ARHGAP36: variants seen among roughly 807,000 people sequenced by gnomAD.
ARHGAP36 encodes rho GTPase-activating protein 36.
A neutral mutation model predicts 32.9 loss-of-function variants in ARHGAP36; 7 were observed. That is an observed-to-expected ratio of 0.21 (90% CI 0.12 to 0.40). ARHGAP36 has a LOEUF of 0.40. ARHGAP36 is among the 10% of genes least tolerant of loss of function. The pLI is 1.00. For missense variants in ARHGAP36, 383 were observed against 442.2 expected (o/e 0.87, Z 1.20); for synonymous variants, 165 against 168.3 (o/e 0.98, Z 0.15).
intron 1 of ARHGAP36, among the ~76,000 whole-genome samples, chrX:131,073,897 T>C (rs1277350837): frequency 9.0e-6 from 1 of 111,496 alleles, no homozygotes; most frequent in Non-Finnish European, 1.9e-5. Context: ...AATATGCTTA[T>C]TTGAATGTAG....
At chrX:131,075,196 T>G (rs2079754825) in intron 1 of ARHGAP36, among the ~76,000 whole-genome samples, 1 of 112,283 alleles carries the variant, frequency 8.9e-6, no homozygotes, top group Non-Finnish European at 1.9e-5. Flanking sequence ...ATGTACCCTT[T>G]GGAGAACACT....
At chrX:131,083,597 G>A (rs2079817997) in intron 3 of ARHGAP36, 137 bp from the exon 4 acceptor site, 3 of 633,652 alleles carry the variant, frequency 4.7e-6, no homozygotes, top group South Asian at 5.1e-5. Context: ...AGCTCCCCAG[G>A]GAGGGGCGCT....
intron 1 of ARHGAP36, among the ~76,000 whole-genome samples, chrX:131,068,683 C>T (rs747099018): frequency 2.0e-5 from 2 of 101,696 alleles, no homozygotes; most frequent in East Asian, 3.2e-4. Flanking sequence ...CCCGCCCCCA[C>T]CCCCCGAGCC....
Position 131,089,030 on chromosome X carries a change from C to T in ARHGAP36, c.*245C>T. On this transcript the variant is annotated 3_prime_UTR_variant, in exon 12 of 12. Transcript: ENST00000276211. ...TCATGCCCAAGCTCCCCGGTGCTAC[C>T]TTGCCTTTCTCTTTTACCCCTGATC... 2.9e-6 allele frequency: 1 copy of T among 343,355 alleles called. No homozygotes were observed. Among genetic ancestry groups the T allele is most frequent in the Non-Finnish European group, 4.8e-6 (1 of 206,755 alleles). 28.3% of individuals were successfully genotyped at this position (343,355 alleles called of 1,213,427 possible). A position where few individuals can be genotyped will look rare whatever the true frequency, so the allele number is the denominator to read the frequency against.
At chrX:131,082,031 G>T in intron 2 of ARHGAP36, 113 bp downstream of exon 2, 1 of 937,038 alleles carries the variant, frequency 1.1e-6, no homozygotes, top group East Asian at 3.1e-5. Flanking sequence ...CCTGATCTCG[G>T]ACTTGATCAG....
chrX:131,065,385 G>C (rs193142512), intron 1 of ARHGAP36, among the ~76,000 whole-genome samples: 2 of 111,479 alleles, frequency 1.8e-5, no homozygotes, highest in African/African-American at 6.5e-5. Flanking sequence ...GCATTTGTGC[G>C]TATGTGTGTG....
chrX:131,078,661 A>AC, intron 1 of ARHGAP36: 1 of 452,652 alleles, frequency 2.2e-6, no homozygotes, highest in Non-Finnish European at 3.4e-6. Context: ...CCCCCTCCCC[A>AC]CCCCACCCAT....
At chrX:131,084,450 G>A (rs1187338291) in intron 5 of ARHGAP36, 43 bp downstream of exon 5, 1 of 1,169,649 alleles carries the variant, frequency 8.5e-7, no homozygotes, top group African/African-American at 1.8e-5. Flanking sequence ...GGAAGCAAAG[G>A]GAAAGGAGGG....
At chrX:131,082,006 TG>T in intron 2 of ARHGAP36, 88 bp downstream of exon 2, 1 of 1,069,697 alleles carries the variant, frequency 9.3e-7, no homozygotes, top group Non-Finnish European at 1.3e-6. Flanking sequence ...TCTGGCAGGG[TG>T]GGAGGGGCTC....
chrX:131,059,967 A>G, intron 1 of ARHGAP36, among the ~76,000 whole-genome samples: 1 of 111,430 alleles, frequency 9.0e-6, no homozygotes, highest in East Asian at 2.8e-4. Context: ...AAAAACAGCA[A>G]TGTCTATTAG....
Position 131,077,764 on chromosome X carries a change from C to CATATATATAT in ARHGAP36, c.-142-3727_-142-3718dup, listed in dbSNP as rs72142237. On this transcript the variant is annotated intron_variant, in intron 1 of 11. Transcript: ENST00000276211. ...GCCCCTTTACTTATCCAAATAAAATCATATATATATATATATATATATATA... is the reference window on the plus strand; with the variant it reads ...GCCCCTTTACTTATCCAAATAAAATCATATATATATATATATATATATATATATATATATA... Among the ~76,000 whole-genome samples the CATATATATAT allele has an allele frequency of 3.8e-3, 329 of 86,861 alleles. 10 individuals are homozygous for CATATATATAT. The highest frequency in any genetic ancestry group is 0.013 in the African/African-American group (261 of 19,473). 75.4% of individuals were successfully genotyped at this position (86,861 alleles called of 115,157 possible). A position where few individuals can be genotyped will look rare whatever the true frequency, so the allele number is the denominator to read the frequency against.
At chrX:131,083,382 T>C in intron 3 of ARHGAP36, 152 bp downstream of exon 3, 1 of 578,053 alleles carries the variant, frequency 1.7e-6, no homozygotes, top group Non-Finnish European at 2.7e-6. Flanking sequence ...TATCAGGAAA[T>C]GGCGCAGTAG....
chrX:131,086,304 C>G, intron 9 of ARHGAP36, 25 bp from the exon 10 acceptor site: 3 of 1,196,200 alleles, frequency 2.5e-6, no homozygotes, highest in Non-Finnish European at 3.4e-6. Context: ...GTAATGATGG[C>G]TAATGTTGCT....
chrX:131,075,588 AAC>A (rs753210314), intron 1 of ARHGAP36, among the ~76,000 whole-genome samples: 9 of 97,588 alleles, frequency 9.2e-5, no homozygotes, highest in African/African-American at 3.1e-4. Context: ...CACATATATA[AAC>A]ACACACACAC....
intron 11 of ARHGAP36, among the ~76,000 whole-genome samples, chrX:131,088,284 TAGTC>T (rs746717339): frequency 8.9e-6 from 1 of 112,479 alleles, no homozygotes; most frequent in African/African-American, 3.2e-5. Flanking sequence ...TTGGTAAAAT[TAGTC>T]AGGTTACTTG....
intron 2 of ARHGAP36, among the ~76,000 whole-genome samples, chrX:131,082,211 C>G (rs1211143197): frequency 8.9e-6 from 1 of 112,333 alleles, no homozygotes; most frequent in Non-Finnish European, 1.9e-5. Context: ...GGTGAAGAGA[C>G]AGCCGCAGCA....
chrX:131,084,253 C>T lies in ARHGAP36; in HGVS notation c.594C>T (p.Asp198=), dbSNP rs758232536. The change falls in exon 5 of 12, where the codon GAC becomes GAT. Residue 198 remains aspartate (D), a synonymous_variant. Transcript: ENST00000276211. Reference sequence around the variant, plus strand: ...TGGATAGTCTGGCTGAGCTGGAAGACGGAGCCCTGCTGCTGCAGACCCTGC... The same window carrying T: ...TGGATAGTCTGGCTGAGCTGGAAGATGGAGCCCTGCTGCTGCAGACCCTGC... The part of the protein sequence containing the change: ...VSVDSLAELE[D]GALLLQTLQL... 10 of 1,208,013 alleles carry T rather than the reference C, an allele frequency of 8.3e-6. No individual in the cohort carries two copies. The highest frequency in any genetic ancestry group is 1.0e-5 in the Non-Finnish European group (9 of 894,394).
At position 131,079,562 on chromosome X, in the gene ARHGAP36, G is replaced by T. The variant is rs866477586; in HGVS notation, c.-142-1962G>T. ...GTTTGTTTTTTGTTTTTTGTTTTTTGTTTTTTTTTTTTTGGACAGAAGGTA... is the reference window on the plus strand; with the variant it reads ...GTTTGTTTTTTGTTTTTTGTTTTTTTTTTTTTTTTTTTTGGACAGAAGGTA... On this transcript the variant is annotated intron_variant, in intron 1 of 11. Coordinates refer to ENST00000276211, the MANE Select transcript of ARHGAP36 (RefSeq NM_144967.4). 4.3e-4 allele frequency among the ~76,000 whole-genome samples: 40 copies of T among 93,111 alleles called. No homozygotes were observed. The East Asian group carries it at 5.6e-3, about 13-fold the overall frequency. The allele number at this position is 93,111 out of a possible 115,157, so 80.9% of individuals were successfully genotyped here.
chrX:131,075,523 C>CT (rs773528272), intron 1 of ARHGAP36, among the ~76,000 whole-genome samples: 10 of 107,959 alleles, frequency 9.3e-5, no homozygotes, highest in Middle Eastern at 9.3e-3. Flanking sequence ...TCATAATAGT[C>CT]TTTTTTTTCC....
Sources: allele counts gnomAD v4.1 joint callset (sites outside exome capture counted in the v4.1 genomes callset), GRCh38; gene constraint gnomAD v4.1.1; transcripts MANE v1.5; gene names NCBI Gene and HGNC (gene_info 2026-07-23, HGNC 2026-07-21).